Variants in OGDH observed in about 807,000 individuals in gnomAD.
OGDH encodes the protein 2-oxoglutarate dehydrogenase complex component E1.
OGDH carries 38 observed loss-of-function variants against 116.6 expected under a neutral mutation model. That is an observed-to-expected ratio of 0.33 (90% confidence interval 0.25 to 0.43). The LOEUF (loss-of-function observed/expected upper bound fraction) is 0.43, where lower values mean the gene tolerates loss of function less well. Among genes scored for constraint, OGDH ranks in the 20% least tolerant of loss-of-function variants. OGDH has a pLI of 1.00. For missense variants in OGDH, 825 were observed against 1,357.2 expected (o/e 0.61, Z 6.16); for synonymous variants, 488 against 533.3 (o/e 0.92, Z 1.17).
intron 1 of OGDH, among the ~76,000 whole-genome samples, chr7:44,616,288 G>A (rs1784764346): frequency 6.6e-6 from 1 of 152,120 alleles, no homozygotes; most frequent in Non-Finnish European, 1.5e-5. Context: ...ACCCTCCCCA[G>A]TCAACCTGTT....
chr7:44,616,423 T>C (rs1784771133), intron 1 of OGDH, among the ~76,000 whole-genome samples: 1 of 152,096 alleles, frequency 6.6e-6, no homozygotes, highest in Admixed American at 6.6e-5. Flanking sequence ...TGTCAGTCCC[T>C]ACCAGTGGTG....
At chr7:44,633,869 A>T (rs751519374) in intron 2 of OGDH, among the ~76,000 whole-genome samples, 1 of 152,246 alleles carries the variant, frequency 6.6e-6, no homozygotes, top group Admixed American at 6.5e-5. Flanking sequence ...TTGTGTGCAG[A>T]TCTGGGTAGT....
intron 9 of OGDH, among the ~76,000 whole-genome samples, chr7:44,679,691 G>A (rs1585351241): frequency 6.6e-6 from 1 of 152,142 alleles, no homozygotes; most frequent in Non-Finnish European, 1.5e-5. Context: ...TAAGATTAAC[G>A]TTTAAACCAG....
intron 9 of OGDH, 62 bp from the exon 10 acceptor site, chr7:44,681,658 T>G (rs565714151): frequency 6.4e-7 from 1 of 1,569,714 alleles, no homozygotes. Context: ...ATTTCCTCTG[T>G]TTACCTTGTG....
intron 1 of OGDH, among the ~76,000 whole-genome samples, chr7:44,606,970 C>T (rs1784377050): frequency 6.6e-6 from 1 of 151,984 alleles, no homozygotes; most frequent in Admixed American, 6.5e-5. Context: ...GGGGGGCGGG[C>T]GCGGCGGCGG....
At chr7:44,700,813 C>T (rs1211564158) in intron 19 of OGDH, among the ~76,000 whole-genome samples, 1 of 152,116 alleles carries the variant, frequency 6.6e-6, no homozygotes, top group Admixed American at 6.5e-5. Flanking sequence ...GAGATGGAGA[C>T]CATCCTGGCT....
intron 10 of OGDH, 95 bp from the exon 11 acceptor site, chr7:44,693,730 G>A: frequency 9.0e-7 from 1 of 1,111,558 alleles, no homozygotes; most frequent in Non-Finnish European, 1.3e-6. Flanking sequence ...GTAGCCAGAT[G>A]GCAAGTGCAT....
intron 1 of OGDH, among the ~76,000 whole-genome samples, chr7:44,616,956 C>CCGAA (rs1429777101): frequency 6.7e-3 from 877 of 129,966 alleles, no homozygotes; most frequent in African/African-American, 0.024. Context: ...TTTCGGAGCT[C>CCGAA]TGGAGTCTCA....
chr7:44,653,164 G>A (rs1372669326), intron 4 of OGDH, among the ~76,000 whole-genome samples: 1 of 151,794 alleles, frequency 6.6e-6, no homozygotes, highest in Admixed American at 6.6e-5. Context: ...TGCAATGTCA[G>A]CTCACTGCAA....
intron 4 of OGDH, among the ~76,000 whole-genome samples, chr7:44,652,558 T>C (rs1786498018): frequency 1.3e-5 from 2 of 152,106 alleles, no homozygotes; most frequent in Non-Finnish European, 2.9e-5. Flanking sequence ...ATACTTTATT[T>C]TTTTATTTTA....
chr7:44,616,032 G>GAA (rs79089920), intron 1 of OGDH, among the ~76,000 whole-genome samples: 7 of 131,968 alleles, frequency 5.3e-5, no homozygotes, highest in Non-Finnish European at 6.6e-5. Flanking sequence ...CTGACAGAAA[G>GAA]AAAAAAAAAA....
At chr7:44,665,007 C>A (rs1787120218) in intron 4 of OGDH, among the ~76,000 whole-genome samples, 1 of 152,190 alleles carries the variant, frequency 6.6e-6, no homozygotes, top group African/African-American at 2.4e-5. Context: ...GTTTCACAAT[C>A]AAAATATTTC....
chr7:44,636,714 T>A (rs1012998413), intron 2 of OGDH, among the ~76,000 whole-genome samples: 1 of 152,216 alleles, frequency 6.6e-6, no homozygotes, highest in Non-Finnish European at 1.5e-5. Context: ...ATTCTGAGTT[T>A]GTGGGAGCTT....
At position 44,698,177 on chromosome 7, in the gene OGDH, C is replaced by A; in HGVS notation, c.2359-15C>A. Reference sequence around the variant, plus strand: ...GCAAGAGCTCTTAAACTGTAACTTGCGTGTGTGGTTCCAGGGTCCAGAACA... The same window carrying A: ...GCAAGAGCTCTTAAACTGTAACTTGAGTGTGTGGTTCCAGGGTCCAGAACA... On this transcript the variant is annotated splice_polypyrimidine_tract_variant and intron_variant, in intron 17 of 22. Coordinates refer to ENST00000222673, the MANE Select transcript of OGDH (RefSeq NM_002541.4). The A allele has an allele frequency of 2.5e-6, 4 of 1,614,048 alleles. No homozygotes were observed. Among genetic ancestry groups the A allele is most frequent in the Non-Finnish European group, 3.4e-6 (4 of 1,179,954 alleles).
At chr7:44,617,046 C>G (rs1784834277) in intron 1 of OGDH, among the ~76,000 whole-genome samples, 1 of 149,236 alleles carries the variant, frequency 6.7e-6, no homozygotes, top group Non-Finnish European at 1.5e-5. Flanking sequence ...ATTCTCCTGC[C>G]TCAGCCTCCC....
intron 5 of OGDH, among the ~76,000 whole-genome samples, chr7:44,671,228 T>G (rs1194555547): frequency 1.3e-5 from 2 of 151,976 alleles, no homozygotes; most frequent in African/African-American, 4.8e-5. Flanking sequence ...AGCCTGCTTG[T>G]GCAGAGATCA....
In OGDH at chr7:44,697,408, A is replaced by G. The variant is rs1788634423; in HGVS notation, c.2090A>G (p.Lys697Arg). 6.2e-7 allele frequency: 1 copy of G among 1,614,198 alleles called. No homozygotes were observed. The highest frequency in any genetic ancestry group is 1.1e-5 in the South Asian group (1 of 91,076). The change falls in exon 16 of 23, where the codon AAG becomes AGG. Residue 697 changes from lysine to arginine, a missense_variant. Lys to Arg is a conservative substitution (Grantham distance 26). Coordinates refer to ENST00000222673, the MANE Select transcript of OGDH (RefSeq NM_002541.4). The surrounding 1 kb of genome is among the most constrained non-coding windows in gnomAD (Gnocchi z 6.0). The stretch of plus-strand genomic sequence containing the variant: ...GTGCTCCATGACCAGAATGTGGACA[A>G]GAGAACCTGCATCCCCATGAACCAT... ...HHVLHDQNVD[K>R]RTCIPMNHLW...
At chr7:44,684,258 G>T (rs768549350) in intron 10 of OGDH, among the ~76,000 whole-genome samples, 1 of 152,108 alleles carries the variant, frequency 6.6e-6, no homozygotes, top group African/African-American at 2.4e-5. Context: ...AGAGACTGAC[G>T]CAAGGAAGTG....
At chr7:44,674,012 G>C in intron 6 of OGDH, 71 bp downstream of exon 6, 1 of 1,584,164 alleles carries the variant, frequency 6.3e-7, no homozygotes, top group Non-Finnish European at 8.6e-7. Flanking sequence ...TGTTGATCGG[G>C]CCTGTGTGCA....
Sources: allele counts gnomAD v4.1 joint callset (sites outside exome capture counted in the v4.1 genomes callset), GRCh38; gene constraint gnomAD v4.1.1; non-coding constraint Gnocchi (gnomAD v3.1); transcripts MANE v1.5; gene names NCBI Gene and HGNC (gene_info 2026-07-23, HGNC 2026-07-21).